Variants in HDAC5 observed in about 807,000 individuals in gnomAD.
HDAC5 encodes histone deacetylase 5.
HDAC5 carries 25 observed loss-of-function variants against 133.3 expected under a neutral mutation model. The ratio of observed to expected loss-of-function variants is 0.19; its 90% CI spans 0.14 to 0.26. The LOEUF (loss-of-function observed/expected upper bound fraction) is 0.26, where lower values mean the gene tolerates loss of function less well. HDAC5 is among the 10% of genes least tolerant of loss of function. The pLI, the probability that HDAC5 is intolerant of heterozygous loss-of-function variation, is 1.00. For synonymous variants in HDAC5, 589 were observed against 610.8 expected (o/e 0.96, Z 0.53); for missense variants, 1,041 against 1,460.5 (o/e 0.71, Z 4.68).
rs1375138841 is a variant in HDAC5, at chr17:44,091,255, T to C, written c.1387+15A>G. The C allele has an allele frequency of 3.1e-6, 5 of 1,599,082 alleles. No homozygotes were observed. In the Admixed American group the frequency reaches 8.5e-5, roughly 27 times the overall value. On this transcript the variant is annotated intron_variant, in intron 11 of 26. Coordinates refer to ENST00000682912, the MANE Select transcript of HDAC5 (RefSeq NM_005474.5). Reference sequence around the variant, plus strand: ...ACCTTAGCCCCCTCCCTTGCACAGCTACCTGTCCACTCACCAGCAATGAGG... The same window carrying C: ...ACCTTAGCCCCCTCCCTTGCACAGCCACCTGTCCACTCACCAGCAATGAGG...
rs552970041 is a variant in HDAC5 at position 44,092,889 on chromosome 17, T to TA, written c.642-84dup. Reference sequence around the variant, plus strand: ...GACCTGCCACCTGGCAATCTACATTTATGAAAAATCGTTTGTATATAGGAA... The same window carrying TA: ...GACCTGCCACCTGGCAATCTACATTTAATGAAAAATCGTTTGTATATAGGAA... On this transcript the variant is annotated intron_variant, in intron 6 of 26. Transcript: ENST00000682912. 2,296 of 663,630 alleles carry TA rather than the reference T, an allele frequency of 3.5e-3. 11 individuals carry two copies. Among genetic ancestry groups the TA allele is most frequent in the Admixed American group, 4.9e-3 (151 of 31,028 alleles). 41.1% of individuals were successfully genotyped at this position (663,630 alleles called of 1,614,324 possible). A position where few individuals can be genotyped will look rare whatever the true frequency, so the allele number is the denominator to read the frequency against.
intron 20 of HDAC5, 24 bp from the exon 21 acceptor site, chr17:44,080,906 G>A (rs769709365): frequency 1.4e-5 from 23 of 1,613,852 alleles, no homozygotes; most frequent in East Asian, 4.5e-5. Context: ...TAGAAGCATC[G>A]GGAAAATGGC....
chr17:44,102,549 C>T (rs1476760389), intron 3 of HDAC5, among the ~76,000 whole-genome samples: 6 of 151,588 alleles, frequency 4.0e-5, no homozygotes, highest in South Asian at 4.2e-4. Flanking sequence ...TTAGTAGAGA[C>T]GGAGTTTCAC....
chr17:44,111,561 C>T (rs2052346950), intron 2 of HDAC5: 1 of 513,934 alleles, frequency 1.9e-6, no homozygotes, highest in Admixed American at 2.0e-5. Context: ...AGACTCAAGC[C>T]TCCGTCTTTC....
At position 44,091,828 on chromosome 17, in the gene HDAC5, G is replaced by C. The variant is rs748249751; in HGVS notation, c.1036C>G (p.Leu346Val). Residue 346 changes from leucine to valine, a missense_variant, in exon 10 of 27, where the codon CTC (leucine) becomes GTC (valine). Coordinates refer to ENST00000682912, the MANE Select transcript of HDAC5 (RefSeq NM_005474.5). Reference sequence around the variant, plus strand: ...AGAGGGAGGGCTCGGTGCTGAGGGAGCATCTGGGGAGCAGTCAGAAGAGAC... The same window carrying C: ...AGAGGGAGGGCTCGGTGCTGAGGGACCATCTGGGGAGCAGTCAGAAGAGAC... ...GSVPNIPTEM[L>V]PQHRALPLDS... 1 of 1,559,222 alleles carries C rather than the reference G, an allele frequency of 6.4e-7. No individual in the cohort carries two copies. Among genetic ancestry groups the C allele is most frequent in the Non-Finnish European group, 8.7e-7 (1 of 1,156,016 alleles).
At chr17:44,089,617 C>T (rs994953432) in intron 11 of HDAC5, among the ~76,000 whole-genome samples, 2 of 151,782 alleles carry the variant, frequency 1.3e-5, no homozygotes, top group Non-Finnish European at 2.9e-5. Context: ...CATGGTGGCA[C>T]ATGCCTGTAA....
chr17:44,080,560 G>C, intron 21 of HDAC5, 62 bp from the exon 22 acceptor site: 1 of 1,550,960 alleles, frequency 6.4e-7, no homozygotes, highest in Non-Finnish European at 8.9e-7. Context: ...CATTGCCCCT[G>C]CCCTCACCCC....
Position 44,092,414 on chromosome 17 carries a change from T to G in HDAC5, c.886A>C (p.Arg296=), listed in dbSNP as rs1160098985. 1 of 1,613,892 alleles carries G rather than the reference T, an allele frequency of 6.2e-7. No homozygotes were observed. Among genetic ancestry groups the G allele is most frequent in the Non-Finnish European group, 8.5e-7 (1 of 1,179,846 alleles). Residue 296 remains arginine (R), a synonymous_variant, in exon 8 of 27, where the codon AGA becomes CGA. Coordinates refer to ENST00000682912, the MANE Select transcript of HDAC5 (RefSeq NM_005474.5). ...DGTVISTFKK[R]AVEITGAGPG... ...CCGGCACCTGTGATCTCAACAGCTC[T>G]CTTCTTAAAGGTGCTAATAACAGTC...
At chr17:44,086,860 A>C (rs1597948429) in intron 13 of HDAC5, 123 bp from the exon 14 acceptor site, 2 of 615,784 alleles carry the variant, frequency 3.2e-6, no homozygotes, top group Non-Finnish European at 4.7e-6. Context: ...TCCTTCCCCC[A>C]CCTCCTCCCA....
At chr17:44,108,700 C>A (rs1233409442) in intron 3 of HDAC5, among the ~76,000 whole-genome samples, 1 of 140,770 alleles carries the variant, frequency 7.1e-6, no homozygotes, top group Non-Finnish European at 1.5e-5. Context: ...TTTTTTTTAA[C>A]CCAAAGGTTA....
intron 1 of HDAC5, among the ~76,000 whole-genome samples, chr17:44,122,591 G>T (rs559264679): frequency 9.9e-5 from 15 of 152,218 alleles, no homozygotes; most frequent in African/African-American, 3.6e-4. Context: ...TCAGCCAGGG[G>T]TATCAAGTGG....
chr17:44,110,931 G>A (rs966279413), intron 2 of HDAC5, 131 bp from the exon 3 acceptor site: 19 of 743,830 alleles, frequency 2.6e-5, no homozygotes, highest in Admixed American at 1.5e-4. Context: ...GAAGGTGGTC[G>A]GGCAGCCCGC....
At chr17:44,106,086 C>T (rs1006887891) in intron 3 of HDAC5, among the ~76,000 whole-genome samples, 16 of 152,326 alleles carry the variant, frequency 1.1e-4, no homozygotes, top group Middle Eastern at 3.4e-3. Context: ...CTCCTGCCAA[C>T]CTGACAGCTG....
intron 1 of HDAC5, among the ~76,000 whole-genome samples, chr17:44,118,784 T>C (rs1485022449): frequency 6.6e-6 from 1 of 152,144 alleles, no homozygotes; most frequent in East Asian, 1.9e-4. Flanking sequence ...TGTGAGCTGC[T>C]GCGAGTTTAA....
intron 3 of HDAC5, among the ~76,000 whole-genome samples, chr17:44,108,244 C>A (rs191721463): frequency 5.3e-5 from 8 of 152,340 alleles, no homozygotes; most frequent in Admixed American, 1.3e-4. Context: ...CTCTGTCTTA[C>A]CCGCTGGGGT....
In HDAC5 at chr17:44,123,553, G is replaced by A; in HGVS notation, c.-239C>T. 5.0e-6 allele frequency: 2 copies of A among 401,018 alleles called. No homozygotes were observed. The highest frequency in any genetic ancestry group is 8.7e-6 in the Non-Finnish European group (2 of 228,968). The allele number at this position is 401,018 out of a possible 1,614,324, so 24.8% of individuals were successfully genotyped here. On this transcript the variant is annotated 5_prime_UTR_variant, in exon 1 of 27. Transcript: ENST00000682912. ...CGCGGGCGGCGGCGGCAGCAGCGGCGGCGGCAGCGGCGGCAGCACCTCCTC... is the reference window on the plus strand; with the variant it reads ...CGCGGGCGGCGGCGGCAGCAGCGGCAGCGGCAGCGGCGGCAGCACCTCCTC...
At chr17:44,113,048 G>T (rs1188416573) in intron 2 of HDAC5, among the ~76,000 whole-genome samples, 1 of 152,140 alleles carries the variant, frequency 6.6e-6, no homozygotes, top group Non-Finnish European at 1.5e-5. Context: ...AGGGAGCCCA[G>T]AAAGCCAAGA....
chr17:44,091,897 C>G (rs1443774491), intron 9 of HDAC5, 66 bp from the exon 10 acceptor site: 2 of 1,497,392 alleles, frequency 1.3e-6, no homozygotes, highest in East Asian at 4.6e-5. Flanking sequence ...GGAGGGCAAC[C>G]TGGGGCCAAG....
Position 44,088,384 on chromosome 17 carries a change from C to T in HDAC5, c.1599+3G>A. Reference sequence around the variant, plus strand: ...CCCAGGCCATTCACCTTTCCAGGCTCACCTTGCCCAGCTGTAGCTGCTGCT... The same window carrying T: ...CCCAGGCCATTCACCTTTCCAGGCTTACCTTGCCCAGCTGTAGCTGCTGCT... On this transcript the variant is annotated splice_donor_region_variant and intron_variant, in intron 12 of 26. Coordinates refer to ENST00000682912, the MANE Select transcript of HDAC5 (RefSeq NM_005474.5). The T allele has an allele frequency of 6.5e-7, 1 of 1,549,050 alleles. No individual in the cohort carries two copies. The highest frequency in any genetic ancestry group is 8.7e-7 in the Non-Finnish European group (1 of 1,147,218).
Sources: gnomAD v4.1 joint callset for allele counts (sites outside exome capture counted in the v4.1 genomes callset) on GRCh38, gnomAD v4.1.1 for gene constraint, MANE v1.5 for transcripts, NCBI Gene and HGNC (gene_info 2026-07-23, HGNC 2026-07-21) for gene names.